The following HMX1 variants were observed in gnomAD, a reference collection of about 807,000 sequenced individuals.
The protein encoded by HMX1 is homeobox protein HMX1.
A neutral mutation model predicts 8.9 loss-of-function variants in HMX1; 8 were observed. That is an observed-to-expected ratio of 0.90 (90% confidence interval 0.53 to 1.63). The LOEUF (loss-of-function observed/expected upper bound fraction) is 1.63, where lower values mean the gene tolerates loss of function less well. Among genes scored for constraint, HMX1 ranks in the 40% most tolerant of loss-of-function variants. The pLI is 0.00. For synonymous variants in HMX1, 311 were observed against 283.4 expected, an observed-to-expected ratio of 1.10 and a Z score of -0.98; for missense variants, 621 against 558.5, an observed-to-expected ratio of 1.11 and a Z score of -1.13.
chr4:8,851,741 C>T (rs1298908911), intron 1 of HMX1, among the ~76,000 whole-genome samples: 2 of 152,366 alleles, frequency 1.3e-5, no homozygotes, highest in African/African-American at 4.8e-5. Flanking sequence ...CATCATAAAA[C>T]AGGAGCCTGA....
rs1259033166 is a variant in HMX1, at chr4:8,868,337, G to A, written c.403C>T (p.Arg135Trp). The change falls in exon 2 of 2, where the codon CGG (arginine) becomes TGG (tryptophan). Residue 135 changes from arginine to tryptophan, a missense_variant. Physicochemically the swap from Arg to Trp is moderately radical, Grantham distance 101. Coordinates refer to ENST00000400677, the MANE Select transcript of HMX1 (RefSeq NM_018942.3). The surrounding 1 kb of genome is among the most constrained non-coding windows in gnomAD (Gnocchi z 4.6). ...TCCTCGCCCGTCTCCGGTGAGTCCC[G>A]GTCGCTGGCTGCAGGGGAGAGAGGG... ...GGGLSPDTSD[R>W]DSPETGEEMG... 6 of 1,384,602 alleles carry A rather than the reference G, an allele frequency of 4.3e-6. No homozygotes were observed. The highest frequency in any genetic ancestry group is 6.1e-5 in the East Asian group (2 of 32,744). 85.8% of individuals were successfully genotyped at this position (1,384,602 alleles called of 1,614,324 possible). A position where few individuals can be genotyped will look rare whatever the true frequency, so the allele number is the denominator to read the frequency against.
At position 8,867,411 on chromosome 4, in the gene HMX1, G is replaced by T. The variant is rs575573926; in HGVS notation, c.*282C>A. The T allele has an allele frequency of 9.2e-6, 10 of 1,082,662 alleles. No homozygotes were observed. In the African/African-American group the frequency reaches 1.5e-4, roughly 16 times the overall value. The allele number at this position is 1,082,662 out of a possible 1,614,324, so 67.1% of individuals were successfully genotyped here. A position where few individuals can be genotyped will look rare whatever the true frequency, so the allele number is the denominator to read the frequency against. ...GACCGCTCCTCGCTGAGGCCGGGGG[G>T]TGGCCGTGGCGCCGGGGGCTGCGCA... On this transcript the variant is annotated 3_prime_UTR_variant, in exon 2 of 2. Coordinates refer to ENST00000400677, the MANE Select transcript of HMX1 (RefSeq NM_018942.3).
rs780805017 is a variant in HMX1, at chr4:8,868,001, C to T, written c.739G>A (p.Val247Ile). Residue 247 changes from valine (V) to isoleucine (I), a missense_variant, in exon 2 of 2, where the codon GTT (valine) becomes ATT (isoleucine). Coordinates refer to ENST00000400677, the MANE Select transcript of HMX1 (RefSeq NM_018942.3). The surrounding 1 kb of genome is among the most constrained non-coding windows in gnomAD (Gnocchi z 4.6). The part of the protein sequence containing the change: ...AASLQLTETQ[V>I]KIWFQNRRNK... Reference sequence around the variant, plus strand: ...CGGCGGTTCTGGAACCAGATCTTAACCTGCGTCTCGGTGAGCTGCAGGGAG... The same window carrying T: ...CGGCGGTTCTGGAACCAGATCTTAATCTGCGTCTCGGTGAGCTGCAGGGAG... The T allele has an allele frequency of 4.5e-6, 7 of 1,543,628 alleles. No homozygotes were observed. The highest frequency in any genetic ancestry group is 1.7e-4 in the Middle Eastern group (1 of 5,718).
Position 8,847,675 on chromosome 4 carries a change from C to T in HMX1, c.395-1351G>A, listed in dbSNP as rs1371562239. Among the ~76,000 whole-genome samples, 1 of 152,226 alleles carries T rather than the reference C, an allele frequency of 6.6e-6. No homozygotes were observed. The highest frequency in any genetic ancestry group is 2.4e-5 in the African/African-American group (1 of 41,464). ...ACAGCCTCCCGTGGAGCTAGCAGTG[C>T]CCAGATTTGAACCTGGAGCTGTGGT... On this transcript the variant is annotated intron_variant, in intron 1 of 1. Coordinates refer to the HMX1 transcript ENST00000506970. The surrounding 1 kb of genome is among the most constrained non-coding windows in gnomAD (Gnocchi z 6.0).
At chr4:8,861,701 C>T (rs553512730) in intron 1 of HMX1, among the ~76,000 whole-genome samples, 4,079 of 152,324 alleles carry the variant, frequency 0.027, 198 homozygotes, top group African/African-American at 0.093. Flanking sequence ...ACAGCTCTGG[C>T]CTGGGGCGCC....
rs1181640390 is a variant in HMX1 at position 8,868,336 on chromosome 4, C to T, written c.404G>A (p.Arg135Gln). ...CTCCTCGCCCGTCTCCGGTGAGTCC[C>T]GGTCGCTGGCTGCAGGGGAGAGAGG... is the stretch of plus-strand genomic sequence containing the variant. Reference protein sequence around the residue: ...GGGLSPDTSDRDSPETGEEMG... With the variant: ...GGGLSPDTSDQDSPETGEEMG... Residue 135 changes from arginine (R) to glutamine (Q), a missense_variant, in exon 2 of 2, where the codon CGG becomes CAG. Transcript: ENST00000400677. This position sits in a 1 kb window ranked among gnomAD's most constrained non-coding sequence, Gnocchi z 4.6. The T allele has an allele frequency of 2.1e-5, 29 of 1,387,494 alleles. No individual in the cohort carries two copies. Among genetic ancestry groups the T allele is most frequent in the Non-Finnish European group, 2.6e-5 (28 of 1,080,258 alleles). 85.9% of individuals were successfully genotyped at this position (1,387,494 alleles called of 1,614,324 possible).
chr4:8,871,331 C>T lies in HMX1; in HGVS notation c.284G>A (p.Gly95Asp), dbSNP rs771451274. 15 of 1,325,688 alleles carry T rather than the reference C, an allele frequency of 1.1e-5. No individual in the cohort carries two copies. In the South Asian group the frequency reaches 2.4e-4, roughly 21 times the overall value. The allele number at this position is 1,325,688 out of a possible 1,614,324, so 82.1% of individuals were successfully genotyped here. ...ALLGPGALGL[G>D]PRPPPGPGPP... ...CCCGGGACCGGGGGGCGGCCGAGGA[C>T]CGAGGCCCAGCGCGCCCGGCCCGAG... is the stretch of plus-strand genomic sequence containing the variant. Residue 95 changes from glycine (G) to aspartate (D), a missense_variant, in exon 1 of 2, where the codon GGT becomes GAT. By Grantham distance (94) the Gly-to-Asp change is moderately conservative (BLOSUM62 -1). Coordinates refer to ENST00000400677, the MANE Select transcript of HMX1 (RefSeq NM_018942.3). This position sits in a 1 kb window ranked among gnomAD's most constrained non-coding sequence, Gnocchi z 4.8.
In HMX1 at chr4:8,867,253, C is replaced by T; in HGVS notation, c.*440G>A. The T allele has an allele frequency of 1.0e-6, 1 of 986,262 alleles. No homozygotes were observed. The highest frequency in any genetic ancestry group is 1.2e-6 in the Non-Finnish European group (1 of 830,520). The allele number at this position is 986,262 out of a possible 1,614,324, so 61.1% of individuals were successfully genotyped here. A position where few individuals can be genotyped will look rare whatever the true frequency, so the allele number is the denominator to read the frequency against. ...TCCGGGCCGGCCTGCTGTCTGGGTC[C>T]CAGGAAAGGGACGTTTAGTGTTGGG... On this transcript the variant is annotated 3_prime_UTR_variant, in exon 2 of 2. Transcript: ENST00000400677.
intron 1 of HMX1, among the ~76,000 whole-genome samples, chr4:8,857,576 C>A (rs28550803): frequency 2.0e-5 from 3 of 152,132 alleles, no homozygotes; most frequent in East Asian, 1.9e-4. Flanking sequence ...GCCTCCGCAC[C>A]CCCCCGCCCC....
At chr4:8,862,881 A>G (rs1721874355), downstream of HMX1, among the ~76,000 whole-genome samples, 1 of 152,166 alleles carries the variant, frequency 6.6e-6, no homozygotes, top group Non-Finnish European at 1.5e-5. Flanking sequence ...CCTTCCGTGC[A>G]TGACACGCAG....
intron 1 of HMX1, among the ~76,000 whole-genome samples, chr4:8,854,907 G>A (rs1051657515): frequency 6.6e-6 from 1 of 152,224 alleles, no homozygotes; most frequent in Non-Finnish European, 1.5e-5. Flanking sequence ...ACAGAAGCGT[G>A]CAAAACAATT....
chr4:8,864,682 C>T (rs557823419), downstream of HMX1, among the ~76,000 whole-genome samples: 3 of 152,298 alleles, frequency 2.0e-5, no homozygotes, highest in Admixed American at 2.0e-4. Flanking sequence ...AGCCCCAAGA[C>T]GCCAGAGCCC....
rs1722107705 is a variant in HMX1, at chr4:8,868,521, G to A, written c.395-176C>T. 6.6e-6 allele frequency among the ~76,000 whole-genome samples: 1 copy of A among 152,184 alleles called. No homozygotes were observed. Among genetic ancestry groups the A allele is most frequent in the African/African-American group, 2.4e-5 (1 of 41,428 alleles). On this transcript the variant is annotated intron_variant, in intron 1 of 1. Transcript: ENST00000400677. This position sits in a 1 kb window ranked among gnomAD's most constrained non-coding sequence, Gnocchi z 4.6. Reference sequence around the variant, plus strand: ...TGCACACATTGTCAGAACCGTGGGAGGCGGCCCAGAGACCAGGCAGCAGCT... The same window carrying A: ...TGCACACATTGTCAGAACCGTGGGAAGCGGCCCAGAGACCAGGCAGCAGCT...
At chr4:8,846,351 G>A in intron 1 of HMX1, 2 of 1,504,648 alleles carry the variant, frequency 1.3e-6, no homozygotes. Context: ...CCAGGTATTG[G>A]GAGCACTAGT....
In HMX1 at chr4:8,871,406, TGTCGCCGCCGCTGTAGCC is replaced by T. The variant is rs999201308; in HGVS notation, c.191_208del (p.Arg64_Arg69del). ...GCCGGGCCCGGTGCCCGCGAGCAAC[TGTCGCCGCCGCTGTAGCC>T]GTCGCCGCCGCGCCTGCTCGGCGTC... On this transcript the variant is annotated inframe_deletion, in exon 1 of 2. Coordinates refer to ENST00000400677, the MANE Select transcript of HMX1 (RefSeq NM_018942.3). This position sits in a 1 kb window ranked among gnomAD's most constrained non-coding sequence, Gnocchi z 4.8. 1.2e-4 allele frequency: 156 copies of T among 1,267,994 alleles called. No individual in the cohort carries two copies. Among genetic ancestry groups the T allele is most frequent in the African/African-American group, 1.1e-3 (69 of 62,724 alleles). The allele number at this position is 1,267,994 out of a possible 1,614,324, so 78.5% of individuals were successfully genotyped here.
At chr4:8,857,226 CG>C (rs1721635097) in intron 1 of HMX1, among the ~76,000 whole-genome samples, 1 of 152,232 alleles carries the variant, frequency 6.6e-6, no homozygotes, top group South Asian at 2.1e-4. Flanking sequence ...GAGGAAGCGT[CG>C]GGGACAGATG....
intron 1 of HMX1, among the ~76,000 whole-genome samples, chr4:8,846,571 T>G (rs1475932353): frequency 6.6e-6 from 1 of 152,178 alleles, no homozygotes; most frequent in South Asian, 2.1e-4. Flanking sequence ...GGGATTCCAA[T>G]GCAGTGGCCC....
chr4:8,857,802 C>A (rs1211011100), intron 1 of HMX1, among the ~76,000 whole-genome samples: 1 of 152,144 alleles, frequency 6.6e-6, no homozygotes, highest in African/African-American at 2.4e-5. Flanking sequence ...CGCAGCCCCT[C>A]CCTCCTCCTC....
In HMX1 at chr4:8,867,136, G is replaced by A. The variant is rs1722023468; in HGVS notation, c.*557C>T. The A allele has an allele frequency of 1.0e-6, 1 of 985,432 alleles. No individual in the cohort carries two copies. Among genetic ancestry groups the A allele is most frequent in the Admixed American group, 6.1e-5 (1 of 16,278 alleles). 61.0% of individuals were successfully genotyped at this position (985,432 alleles called of 1,614,324 possible). A position where few individuals can be genotyped will look rare whatever the true frequency, so the allele number is the denominator to read the frequency against. ...CCGGAGGCTGCGACGTCTGCAGAGA[G>A]CCCCAGCCTGCCTGCTCCTGGAACG... is the stretch of plus-strand genomic sequence containing the variant. On this transcript the variant is annotated 3_prime_UTR_variant, in exon 2 of 2. Coordinates refer to ENST00000400677, the MANE Select transcript of HMX1 (RefSeq NM_018942.3).
Sources: allele counts gnomAD v4.1 joint callset (sites outside exome capture counted in the v4.1 genomes callset), GRCh38; gene constraint gnomAD v4.1.1; non-coding constraint Gnocchi (gnomAD v3.1); transcripts MANE v1.5; gene names NCBI Gene and HGNC (gene_info 2026-07-23, HGNC 2026-07-21).